The following ST18 variants were observed in gnomAD, a reference collection of about 807,000 sequenced individuals.
The protein encoded by ST18 is suppression of tumorigenicity 18 protein.
A neutral mutation model predicts 110.0 loss-of-function variants in ST18; 50 were observed. That is an observed-to-expected ratio of 0.45 (90% CI 0.36 to 0.58). The LOEUF (loss-of-function observed/expected upper bound fraction) is 0.58, where lower values mean the gene tolerates loss of function less well. Ranked by LOEUF, ST18 falls within the 20% of genes least tolerant of loss-of-function variation. The pLI, the probability that ST18 is intolerant of heterozygous loss-of-function variation, is 0.00. For synonymous variants in ST18, 461 were observed against 452.4 expected (o/e 1.02, Z -0.24); for missense variants, 1,306 against 1,280.1 (o/e 1.02, Z -0.31).
intron 8 of ST18, among the ~76,000 whole-genome samples, chr8:52,188,772 T>C (rs2073358512): frequency 6.6e-6 from 1 of 152,174 alleles, no homozygotes. Context: ...TGAATACATT[T>C]GCAAGAGAAA....
intron 2 of ST18, among the ~76,000 whole-genome samples, chr8:52,345,891 A>G (rs1817506402): frequency 6.6e-6 from 1 of 152,230 alleles, no homozygotes; most frequent in South Asian, 2.1e-4. Flanking sequence ...AAGGAGAGAT[A>G]CAGAATTTCA....
intron 11 of ST18, among the ~76,000 whole-genome samples, chr8:52,165,987 C>A (rs1373782805): frequency 6.6e-6 from 1 of 152,142 alleles, no homozygotes; most frequent in African/African-American, 2.4e-5. Flanking sequence ...GGAGAGGGGG[C>A]CAAGGCTTGC....
chr8:52,211,950 C>A, intron 8 of ST18, 129 bp downstream of exon 8: 1 of 894,350 alleles, frequency 1.1e-6, no homozygotes, highest in Non-Finnish European at 1.8e-6. Context: ...TACACAACGT[C>A]TGGATGGAAA....
chr8:52,409,255 GT>G (rs1845594599), intron 2 of ST18, 72 bp downstream of exon 2: 2 of 152,340 alleles, frequency 1.3e-5, no homozygotes, highest in East Asian at 3.9e-4. Flanking sequence ...CCAGTGGTAT[GT>G]TTTCTCTCAA....
chr8:52,300,603 C>A (rs577405453), intron 2 of ST18, among the ~76,000 whole-genome samples: 1 of 152,240 alleles, frequency 6.6e-6, no homozygotes, highest in South Asian at 2.1e-4. Flanking sequence ...ATGGTTTTTA[C>A]ATTTTTTAAT....
intron 2 of ST18, among the ~76,000 whole-genome samples, chr8:52,235,112 G>C (rs983033036): frequency 6.6e-6 from 1 of 151,516 alleles, no homozygotes; most frequent in Non-Finnish European, 1.5e-5. Flanking sequence ...AAAACCTATG[G>C]AAATCAAAAG....
At chr8:52,212,559 T>C (rs778075285) in intron 7 of ST18, among the ~76,000 whole-genome samples, 30 of 152,162 alleles carry the variant, frequency 2.0e-4, no homozygotes, top group African/African-American at 3.4e-4. Context: ...ACTTCCTCCA[T>C]ATAGAAAGGG....
At chr8:52,149,481 A>G (rs1056348063) in intron 16 of ST18, among the ~76,000 whole-genome samples, 4 of 152,268 alleles carry the variant, frequency 2.6e-5, no homozygotes, top group Non-Finnish European at 1.5e-5. Context: ...TGTGCAGGGC[A>G]CAAAATTTCA....
chr8:52,210,178 TG>T (rs2081665588), intron 8 of ST18: 2 of 455,864 alleles, frequency 4.4e-6, no homozygotes, highest in Admixed American at 4.7e-5. Flanking sequence ...CTTGGAGCAC[TG>T]GGTCATTTTA....
At chr8:52,264,364 T>C (rs1589428047) in intron 2 of ST18, among the ~76,000 whole-genome samples, 1 of 152,214 alleles carries the variant, frequency 6.6e-6, no homozygotes, top group Non-Finnish European at 1.5e-5. Flanking sequence ...AAATTACCCA[T>C]ATCAGCCAAT....
intron 22 of ST18, among the ~76,000 whole-genome samples, chr8:52,131,493 G>T (rs1187397784): frequency 1.3e-5 from 2 of 152,116 alleles, no homozygotes; most frequent in Admixed American, 6.5e-5. Flanking sequence ...TTTTCTTTCT[G>T]GCTGCTGCGG....
chr8:52,387,959 C>T (rs999830300), intron 2 of ST18, among the ~76,000 whole-genome samples: 1 of 151,264 alleles, frequency 6.6e-6, no homozygotes, highest in Non-Finnish European at 1.5e-5. Context: ...CCTCCCCACC[C>T]CCCCGCCCCA....
intron 2 of ST18, among the ~76,000 whole-genome samples, chr8:52,361,164 C>A (rs1825581546): frequency 2.0e-5 from 3 of 152,116 alleles, no homozygotes; most frequent in Admixed American, 1.3e-4. Context: ...CATTTTTAAG[C>A]CTACATAGTT....
chr8:52,265,802 C>A (rs1045422693), intron 2 of ST18, among the ~76,000 whole-genome samples: 4 of 152,096 alleles, frequency 2.6e-5, no homozygotes, highest in Non-Finnish European at 4.4e-5. Context: ...TGGAAAGTCT[C>A]ATTTGGAATT....
intron 2 of ST18, among the ~76,000 whole-genome samples, chr8:52,271,745 G>C (rs779739192): frequency 1.3e-5 from 2 of 152,158 alleles, no homozygotes; most frequent in Non-Finnish European, 2.9e-5. Flanking sequence ...CAACTGCTGT[G>C]CTTTGTACAG....
intron 2 of ST18, among the ~76,000 whole-genome samples, chr8:52,395,080 A>T (rs942834559): frequency 3.3e-5 from 5 of 152,204 alleles, no homozygotes; most frequent in Non-Finnish European, 7.4e-5. Context: ...CTATCAGAGA[A>T]AGTTTATAAT....
At chr8:52,346,215 C>T (rs902581638) in intron 2 of ST18, among the ~76,000 whole-genome samples, 24 of 150,096 alleles carry the variant, frequency 1.6e-4, no homozygotes, top group East Asian at 1.4e-3. Context: ...AAGTTTTAAA[C>T]GAAAATAAGA....
At chr8:52,113,454 A>T (rs2041184197) in intron 25 of ST18, 116 bp from the exon 26 acceptor site, 1 of 1,182,158 alleles carries the variant, frequency 8.5e-7, no homozygotes, top group Non-Finnish European at 1.2e-6. Flanking sequence ...GCAAGGGTGC[A>T]TATGACTGCT....
At chr8:52,251,713 T>C (rs927280780) in intron 2 of ST18, among the ~76,000 whole-genome samples, 1 of 152,126 alleles carries the variant, frequency 6.6e-6, no homozygotes, top group Non-Finnish European at 1.5e-5. Flanking sequence ...TGGATCCTTT[T>C]TTCCAAATGA....
Sources: gnomAD v4.1 joint callset for allele counts (sites outside exome capture counted in the v4.1 genomes callset) on GRCh38, gnomAD v4.1.1 for gene constraint, MANE v1.5 for transcripts, NCBI Gene and HGNC (gene_info 2026-07-23, HGNC 2026-07-21) for gene names.